C1orf21: variants seen among roughly 807,000 people sequenced by gnomAD.
C1orf21 encodes uncharacterized protein C1orf21.
C1orf21 carries 3 observed loss-of-function variants against 18.7 expected under a neutral mutation model. The observed-to-expected ratio is 0.16, with a 90% CI of 0.07 to 0.42. C1orf21 has a LOEUF of 0.42. C1orf21 is among the 10% of genes least tolerant of loss of function. C1orf21 has a pLI of 0.99. For synonymous variants in C1orf21, 41 were observed against 46.4 expected, an observed-to-expected ratio of 0.88 and a Z score of 0.47; for missense variants, 104 against 143.6, an observed-to-expected ratio of 0.72 and a Z score of 1.41.
intron 5 of C1orf21, among the ~76,000 whole-genome samples, chr1:184,604,479 G>A (rs1432440281): frequency 6.6e-6 from 1 of 152,158 alleles, no homozygotes; most frequent in African/African-American, 2.4e-5. Context: ...CTTGCTCCAT[G>A]GTAAACATAT....
intron 1 of C1orf21, among the ~76,000 whole-genome samples, chr1:184,431,780 A>C (rs1557970741): frequency 6.6e-6 from 1 of 152,180 alleles, no homozygotes; most frequent in Non-Finnish European, 1.5e-5. Flanking sequence ...CAAGAAAAAA[A>C]CAAACAACCT....
intron 1 of C1orf21, among the ~76,000 whole-genome samples, chr1:184,411,634 G>A (rs1325413017): frequency 6.6e-6 from 1 of 152,096 alleles, no homozygotes; most frequent in African/African-American, 2.4e-5. Flanking sequence ...GTGTTAGCCA[G>A]GATGGTCTGG....
At chr1:184,487,133 C>G (rs1371943489) in intron 2 of C1orf21, among the ~76,000 whole-genome samples, 2 of 124,796 alleles carry the variant, frequency 1.6e-5, no homozygotes, top group African/African-American at 7.7e-5. Context: ...GTTATTTTCT[C>G]CTGAGTGACA....
At chr1:184,511,714 C>T (rs1658148866) in intron 3 of C1orf21, among the ~76,000 whole-genome samples, 1 of 152,142 alleles carries the variant, frequency 6.6e-6, no homozygotes, top group Admixed American at 6.5e-5. Context: ...AGAGGTTTAA[C>T]TGAGTCACAG....
At chr1:184,523,074 G>A (rs1049631115) in intron 3 of C1orf21, among the ~76,000 whole-genome samples, 7 of 152,180 alleles carry the variant, frequency 4.6e-5, no homozygotes, top group South Asian at 2.1e-4. Context: ...ACATGCAGGC[G>A]AATTGATAAA....
intron 3 of C1orf21, among the ~76,000 whole-genome samples, chr1:184,571,244 C>G (rs1275877065): frequency 4.2e-5 from 6 of 143,502 alleles, no homozygotes; most frequent in Non-Finnish European, 7.5e-5. Flanking sequence ...TTGCAGTGAG[C>G]CGAGATCCCG....
intron 3 of C1orf21, among the ~76,000 whole-genome samples, chr1:184,530,626 G>A (rs1368448310): frequency 7.2e-6 from 1 of 138,852 alleles, no homozygotes; most frequent in African/African-American, 2.7e-5. Flanking sequence ...TTTGAGCTGG[G>A]GTTCACTTCT....
intron 3 of C1orf21, among the ~76,000 whole-genome samples, chr1:184,551,165 A>G (rs2101981694): frequency 6.6e-6 from 1 of 152,350 alleles, no homozygotes; most frequent in African/African-American, 2.4e-5. Context: ...CATGGAGAAG[A>G]GGTAGATTAT....
intron 1 of C1orf21, among the ~76,000 whole-genome samples, chr1:184,411,697 C>A (rs1423292659): frequency 6.6e-6 from 1 of 152,190 alleles, no homozygotes; most frequent in African/African-American, 2.4e-5. Context: ...GCTGGGATTG[C>A]AGGCGTGAGC....
intron 2 of C1orf21, among the ~76,000 whole-genome samples, chr1:184,491,239 G>T (rs1422682214): frequency 2.0e-5 from 3 of 151,866 alleles, no homozygotes; most frequent in Non-Finnish European, 4.4e-5. Flanking sequence ...TTAGCATAGT[G>T]CTTTTTTTAA....
intron 3 of C1orf21, among the ~76,000 whole-genome samples, chr1:184,560,552 C>G (rs12743066): frequency 0.062 from 9,515 of 152,262 alleles, 374 homozygotes; most frequent in African/African-American, 0.07. Context: ...TATCCTCCCC[C>G]CACCCCTTTC....
chr1:184,525,668 C>A (rs993750666), intron 3 of C1orf21, among the ~76,000 whole-genome samples: 1 of 152,050 alleles, frequency 6.6e-6, no homozygotes, highest in Non-Finnish European at 1.5e-5. Context: ...TTTTAAAATT[C>A]TTTTCTACAT....
At chr1:184,549,898 A>G (rs1658788941) in intron 3 of C1orf21, among the ~76,000 whole-genome samples, 1 of 152,246 alleles carries the variant, frequency 6.6e-6, no homozygotes, top group Non-Finnish European at 1.5e-5. Context: ...ACTGTCTGGC[A>G]TACAATGGTT....
At chr1:184,449,128 C>A (rs1292798796) in intron 1 of C1orf21, among the ~76,000 whole-genome samples, 1 of 152,050 alleles carries the variant, frequency 6.6e-6, no homozygotes, top group Non-Finnish European at 1.5e-5. Flanking sequence ...TATACATGTG[C>A]CATGTTGGTG....
At chr1:184,504,940 T>G (rs1188360021) in intron 2 of C1orf21, among the ~76,000 whole-genome samples, 2 of 152,180 alleles carry the variant, frequency 1.3e-5, no homozygotes, top group Non-Finnish European at 2.9e-5. Flanking sequence ...TGGCCTGTGT[T>G]TAGAATAATG....
intron 2 of C1orf21, among the ~76,000 whole-genome samples, chr1:184,499,080 A>G (rs961748295): frequency 6.6e-6 from 1 of 151,984 alleles, no homozygotes; most frequent in Non-Finnish European, 1.5e-5. Flanking sequence ...GGTAGCTCTC[A>G]TTTATCCTCC....
At chr1:184,472,870 A>G (rs896808089) in intron 1 of C1orf21, among the ~76,000 whole-genome samples, 5 of 152,214 alleles carry the variant, frequency 3.3e-5, no homozygotes, top group Non-Finnish European at 7.3e-5. Context: ...TGATATCTGA[A>G]GCACCTTGAG....
chr1:184,596,644 T>G (rs1659517418), intron 4 of C1orf21, among the ~76,000 whole-genome samples: 1 of 151,828 alleles, frequency 6.6e-6, no homozygotes, highest in South Asian at 2.1e-4. Flanking sequence ...CCGAGGTGAG[T>G]GGATCACCTG....
intron 2 of C1orf21, among the ~76,000 whole-genome samples, chr1:184,490,306 A>T (rs1243086547): frequency 6.6e-6 from 1 of 152,254 alleles, no homozygotes; most frequent in African/African-American, 2.4e-5. Flanking sequence ...GGACATCTTG[A>T]CAGAAAATGT....
Sources: allele counts gnomAD v4.1 joint callset (sites outside exome capture counted in the v4.1 genomes callset), GRCh38; gene constraint gnomAD v4.1.1; transcripts MANE v1.5; gene names NCBI Gene and HGNC (gene_info 2026-07-23, HGNC 2026-07-21).